The following SH3D19 variants were observed in gnomAD, a reference collection of about 807,000 sequenced individuals.
SH3D19 encodes the protein SH3 domain-containing protein 19.
Under a neutral mutation model 112.1 loss-of-function variants are expected in SH3D19, and 58 were observed. The ratio of observed to expected loss-of-function variants is 0.52; its 90% CI spans 0.42 to 0.64. SH3D19 has a LOEUF of 0.64. SH3D19 is among the 30% of genes least tolerant of loss of function. The pLI, the probability that SH3D19 is intolerant of heterozygous loss-of-function variation, is 0.00. For missense variants in SH3D19, 1,090 were observed against 1,263.4 expected, an observed-to-expected ratio of 0.86 and a Z score of 2.08; for synonymous variants, 391 against 448.5, an observed-to-expected ratio of 0.87 and a Z score of 1.62.
chr4:151,290,478 A>G (rs548809053), intron 1 of SH3D19, among the ~76,000 whole-genome samples: 1 of 152,340 alleles, frequency 6.6e-6, no homozygotes, highest in Non-Finnish European at 1.5e-5. Context: ...TGAAATGTCT[A>G]AAATAGGCAA....
intron 2 of SH3D19, among the ~76,000 whole-genome samples, chr4:151,195,640 G>A (rs908152474): frequency 2.8e-4 from 42 of 151,534 alleles, no homozygotes; most frequent in African/African-American, 9.9e-4. Flanking sequence ...TTATCAGAGA[G>A]GTGTTTTTAC....
In SH3D19 at chr4:151,234,052, CT is replaced by C. The variant is rs540398282; in HGVS notation, c.113-7967del. 9.5e-4 allele frequency among the ~76,000 whole-genome samples: 144 copies of C among 152,124 alleles called. 3 individuals carry two copies. The South Asian group carries it at 0.01, about 11-fold the overall frequency. On this transcript the variant is annotated intron_variant, in intron 1 of 19. Transcript: ENST00000604030. ...ATGATGTGTCTTAAGAATTCCCATA[CT>C]TTTTTTTGACTTTTTATAAATACAA...
At chr4:151,136,854 T>C (rs908775500) in intron 14 of SH3D19, among the ~76,000 whole-genome samples, 2 of 152,234 alleles carry the variant, frequency 1.3e-5, no homozygotes, top group Non-Finnish European at 2.9e-5. Context: ...CCCTTCATAA[T>C]CCAAGAGACT....
chr4:151,289,725 T>C (rs1285147106), intron 1 of SH3D19, among the ~76,000 whole-genome samples: 1 of 152,192 alleles, frequency 6.6e-6, no homozygotes, highest in Non-Finnish European at 1.5e-5. Context: ...AATTACCATA[T>C]GACCCAGAAA....
At chr4:151,290,652 A>G (rs1381336310) in intron 1 of SH3D19, among the ~76,000 whole-genome samples, 1 of 152,200 alleles carries the variant, frequency 6.6e-6, no homozygotes, top group African/African-American at 2.4e-5. Context: ...ACTAAAAACC[A>G]CTGAATTGTG....
At chr4:151,311,170 A>T in intron 1 of SH3D19, among the ~76,000 whole-genome samples, 1 of 149,236 alleles carries the variant, frequency 6.7e-6, no homozygotes, top group African/African-American at 2.5e-5. Context: ...AATTTTATTC[A>T]GCCTTTAAAA....
intron 2 of SH3D19, among the ~76,000 whole-genome samples, chr4:151,214,706 G>A (rs1162916235): frequency 4.8e-5 from 4 of 83,220 alleles, no homozygotes; most frequent in Non-Finnish European, 1.3e-4. Context: ...CCCAGTAGGG[G>A]CGGCCGGGCA....
At chr4:151,162,070 T>G (rs1757257106) in intron 8 of SH3D19, among the ~76,000 whole-genome samples, 1 of 152,154 alleles carries the variant, frequency 6.6e-6, no homozygotes, top group African/African-American at 2.4e-5. Context: ...CCATGATGGT[T>G]TGCTTCACCT....
At chr4:151,258,224 C>T (rs1772091676) in intron 1 of SH3D19, among the ~76,000 whole-genome samples, 1 of 152,136 alleles carries the variant, frequency 6.6e-6, no homozygotes, top group African/African-American at 2.4e-5. Context: ...TATTTGCTAC[C>T]TAAGGAAGGC....
chr4:151,295,029 C>T (rs955052311), intron 1 of SH3D19, among the ~76,000 whole-genome samples: 9 of 152,036 alleles, frequency 5.9e-5, no homozygotes, highest in Non-Finnish European at 1.0e-4. Context: ...AAGAACAGGC[C>T]GGTCAATGTG....
rs532528659 is a variant in SH3D19, at chr4:151,297,758, T to C, written c.112+27483A>G. On this transcript the variant is annotated intron_variant, in intron 1 of 19. Coordinates refer to ENST00000604030, the MANE Select transcript of SH3D19 (RefSeq NM_001378122.1). ...AATAGCCCCTCTAAGGACGTCCATGTTCTAATCCCCAGAATCTGTGAATAT... is the reference window on the plus strand; with the variant it reads ...AATAGCCCCTCTAAGGACGTCCATGCTCTAATCCCCAGAATCTGTGAATAT... Among the ~76,000 whole-genome samples the C allele has an allele frequency of 9.2e-5, 14 of 152,326 alleles. No homozygotes were observed. In the East Asian group the frequency reaches 2.5e-3, roughly 27 times the overall value.
At chr4:151,151,357 T>G (rs1015202929) in intron 9 of SH3D19, among the ~76,000 whole-genome samples, 7 of 151,912 alleles carry the variant, frequency 4.6e-5, no homozygotes, top group African/African-American at 1.7e-4. Context: ...TCCCCAAAAC[T>G]TCATAAGAAA....
At chr4:151,227,416 T>C (rs1398148176) in intron 1 of SH3D19, among the ~76,000 whole-genome samples, 1 of 152,246 alleles carries the variant, frequency 6.6e-6, no homozygotes, top group Non-Finnish European at 1.5e-5. Flanking sequence ...CAATAAAGCA[T>C]GCCTGCTTAG....
chr4:151,274,733 A>G (rs1773459877), intron 1 of SH3D19, among the ~76,000 whole-genome samples: 1 of 152,174 alleles, frequency 6.6e-6, no homozygotes, highest in African/African-American at 2.4e-5. Flanking sequence ...AGACATCTAC[A>G]TAAGTTTGCT....
At chr4:151,196,202 G>C (rs1317456905) in intron 2 of SH3D19, among the ~76,000 whole-genome samples, 2 of 152,138 alleles carry the variant, frequency 1.3e-5, no homozygotes. Context: ...TCCATATTTA[G>C]AGTCTATACA....
At chr4:151,303,012 A>G (rs1580451423) in intron 1 of SH3D19, among the ~76,000 whole-genome samples, 1 of 152,314 alleles carries the variant, frequency 6.6e-6, no homozygotes, top group Middle Eastern at 3.4e-3. Flanking sequence ...AACTTAAAGT[A>G]TAAGAAGAAA....
chr4:151,296,273 T>C (rs1268149321), intron 1 of SH3D19, among the ~76,000 whole-genome samples: 2 of 152,152 alleles, frequency 1.3e-5, no homozygotes. Context: ...ACGATTTCTG[T>C]GATTCTATTT....
At chr4:151,176,474 C>T (rs1395289761) in intron 6 of SH3D19, 60 bp downstream of exon 6, 4 of 1,202,816 alleles carry the variant, frequency 3.3e-6, no homozygotes, top group East Asian at 6.3e-5. Flanking sequence ...AGGCTGGAAG[C>T]CTACGGATTA....
intron 1 of SH3D19, 92 bp downstream of exon 1, chr4:151,325,149 G>T (rs937636474): frequency 6.2e-6 from 4 of 643,812 alleles, no homozygotes; most frequent in Non-Finnish European, 8.7e-6. Context: ...ATCCCGGCGC[G>T]TGAAGGAGCT....
Sources: gnomAD v4.1 joint callset for allele counts (sites outside exome capture counted in the v4.1 genomes callset) on GRCh38, gnomAD v4.1.1 for gene constraint, MANE v1.5 for transcripts, NCBI Gene and HGNC (gene_info 2026-07-23, HGNC 2026-07-21) for gene names.